Variants in MON2 observed in about 807,000 individuals in gnomAD.
MON2 encodes the protein protein MON2 homolog.
Under a neutral mutation model 208.6 loss-of-function variants are expected in MON2, and 84 were observed. That is an observed-to-expected ratio of 0.40 (90% CI 0.34 to 0.48). The LOEUF (loss-of-function observed/expected upper bound fraction) is 0.48, where lower values mean the gene tolerates loss of function less well. Among genes scored for constraint, MON2 ranks in the 20% least tolerant of loss-of-function variants. The pLI is 0.59. For synonymous variants in MON2, 660 were observed against 694.0 expected, an observed-to-expected ratio of 0.95 and a Z score of 0.77; for missense variants, 1,611 against 2,015.4, an observed-to-expected ratio of 0.80 and a Z score of 3.84.
chr12:62,580,556 C>A, intron 32 of MON2, 136 bp downstream of exon 32: 1 of 676,448 alleles, frequency 1.5e-6, no homozygotes, highest in Non-Finnish European at 2.4e-6. Context: ...TAATATAGAA[C>A]TAAGCTTTAT....
At chr12:62,588,905 A>C in intron 34 of MON2, 3 of 1,466,048 alleles carry the variant, frequency 2.0e-6, no homozygotes, top group Non-Finnish European at 2.8e-6. Context: ...CCTTGTTTTT[A>C]ATCTCTTAAA....
chr12:62,543,267 A>G (rs2073320269), intron 20 of MON2, 69 bp downstream of exon 20: 3 of 790,386 alleles, frequency 3.8e-6, no homozygotes, highest in Non-Finnish European at 5.6e-6. Context: ...ATGATTCTAA[A>G]TAGCCATTTG....
chr12:62,575,669 G>A (rs1470491801), intron 30 of MON2, among the ~76,000 whole-genome samples: 2 of 152,084 alleles, frequency 1.3e-5, no homozygotes, highest in Non-Finnish European at 2.9e-5. Context: ...AGATGCTTTG[G>A]CAAGGGAATA....
chr12:62,526,646 ATTGT>A (rs1265822437), intron 11 of MON2, among the ~76,000 whole-genome samples: 3 of 152,060 alleles, frequency 2.0e-5, no homozygotes, highest in Non-Finnish European at 2.9e-5. Flanking sequence ...TTATTTTTAA[ATTGT>A]TTGTCATTAG....
At chr12:62,542,540 G>A (rs1049901529) in intron 19 of MON2, among the ~76,000 whole-genome samples, 2 of 152,088 alleles carry the variant, frequency 1.3e-5, no homozygotes, top group Non-Finnish European at 2.9e-5. Context: ...GTGACACATG[G>A]ACCAGGTACT....
chr12:62,520,222 T>G (rs1004127754), intron 8 of MON2, among the ~76,000 whole-genome samples: 8 of 152,254 alleles, frequency 5.3e-5, no homozygotes, highest in African/African-American at 1.9e-4. Context: ...TGCATGATTT[T>G]GTAACATCAT....
rs2075493889 is a variant in MON2 at position 62,594,995 on chromosome 12, T to TG, written c.*2250dup. 1 of 152,192 alleles carries TG rather than the reference T, an allele frequency of 6.6e-6. No homozygotes were observed. The highest frequency in any genetic ancestry group is 6.5e-5 in the Admixed American group (1 of 15,276). The allele number at this position is 152,192 out of a possible 1,614,324, so 9.4% of individuals were successfully genotyped here. ...TGGGTTCTCCAGTGACTAGAAGAAC[T>TG]GGGGTGTGTGAAAGTATTCGATGCC... On this transcript the variant is annotated 3_prime_UTR_variant, in exon 35 of 35. Transcript: ENST00000393630.
chr12:62,530,613 T>C (rs899583785), intron 11 of MON2, among the ~76,000 whole-genome samples: 1 of 152,236 alleles, frequency 6.6e-6, no homozygotes, highest in Non-Finnish European at 1.5e-5. Flanking sequence ...TATTCCAATA[T>C]ATGGAATCAC....
chr12:62,472,766 CT>C (rs1211537527), intron 1 of MON2, among the ~76,000 whole-genome samples: 1 of 152,192 alleles, frequency 6.6e-6, no homozygotes. Flanking sequence ...GCTGGATAAT[CT>C]TTACGAGCTT....
chr12:62,497,871 C>A (rs951134249), intron 4 of MON2, among the ~76,000 whole-genome samples: 40 of 152,148 alleles, frequency 2.6e-4, no homozygotes, highest in Admixed American at 2.0e-4. Flanking sequence ...CCACCTCAGC[C>A]TCCCAAAGTG....
At chr12:62,520,880 T>C (rs115879311) in intron 8 of MON2, among the ~76,000 whole-genome samples, 7 of 142,166 alleles carry the variant, frequency 4.9e-5, no homozygotes, top group African/African-American at 1.8e-4. Context: ...TATGTAAAGA[T>C]ATTATTTTTT....
intron 8 of MON2, among the ~76,000 whole-genome samples, chr12:62,515,219 A>G (rs2071624743): frequency 6.6e-6 from 1 of 152,250 alleles, no homozygotes; most frequent in Admixed American, 6.5e-5. Context: ...GTAATAGCCA[A>G]GAGGTGAAAG....
chr12:62,532,648 A>T lies in MON2; in HGVS notation c.1611A>T (p.Ser537=). Residue 537 remains serine, a synonymous_variant, in exon 12 of 35, where the codon TCA becomes TCT. Coordinates refer to ENST00000393630, the MANE Select transcript of MON2 (RefSeq NM_015026.3). The part of the protein sequence containing the change: ...STEQQDLQST[S]DQMDKEIVSR... ...AACAGCAGGATTTACAGTCAACATC[A>T]GACCAAATGGATAAGGAAATTGGTA... 1.2e-6 allele frequency: 2 copies of T among 1,611,898 alleles called. No homozygotes were observed. Among genetic ancestry groups the T allele is most frequent in the Non-Finnish European group, 1.7e-6 (2 of 1,177,972 alleles).
chr12:62,517,176 T>C (rs1428283991), intron 8 of MON2, among the ~76,000 whole-genome samples: 1 of 152,176 alleles, frequency 6.6e-6, no homozygotes. Flanking sequence ...TCCTCCTTTC[T>C]TTAGAATGTT....
rs1245899718 is a variant in MON2, at chr12:62,595,768, AAAAC to A, written c.*3027_*3030del. 3 of 152,352 alleles carry A rather than the reference AAAAC, an allele frequency of 2.0e-5. No individual in the cohort carries two copies. Among genetic ancestry groups the A allele is most frequent in the Admixed American group, 1.3e-4 (2 of 15,300 alleles). The allele number at this position is 152,352 out of a possible 1,614,324, so 9.4% of individuals were successfully genotyped here. A position where few individuals can be genotyped will look rare whatever the true frequency, so the allele number is the denominator to read the frequency against. On this transcript the variant is annotated 3_prime_UTR_variant, in exon 35 of 35. Coordinates refer to ENST00000393630, the MANE Select transcript of MON2 (RefSeq NM_015026.3). ...ATTTATTAGGAGCCTTTTAGGTTCC[AAAAC>A]AAACAAAAGGCATAAAAAAGTCTAG... is the stretch of plus-strand genomic sequence containing the variant.
intron 1 of MON2, among the ~76,000 whole-genome samples, chr12:62,475,085 T>G (rs1051731458): frequency 6.6e-6 from 1 of 152,188 alleles, no homozygotes; most frequent in Non-Finnish European, 1.5e-5. Flanking sequence ...GCATTTAATA[T>G]TCTCTTGATT....
At chr12:62,550,754 C>A (rs1421879446) in intron 23 of MON2, among the ~76,000 whole-genome samples, 1 of 152,118 alleles carries the variant, frequency 6.6e-6, no homozygotes. Flanking sequence ...AGCTTCCTCA[C>A]CTTGCTCAGC....
intron 1 of MON2, among the ~76,000 whole-genome samples, chr12:62,483,751 A>G (rs576162875): frequency 6.6e-6 from 1 of 152,306 alleles, no homozygotes; most frequent in East Asian, 1.9e-4. Flanking sequence ...CAGTAGTTTT[A>G]CTTGATTTTG....
chr12:62,532,589 A>G lies in MON2; in HGVS notation c.1552A>G (p.Thr518Ala). 6.2e-7 allele frequency: 1 copy of G among 1,614,140 alleles called. No individual in the cohort carries two copies. Among genetic ancestry groups the G allele is most frequent in the Non-Finnish European group, 8.5e-7 (1 of 1,179,980 alleles). ...GCTTGAAACAGAATGTCAAACCACC[A>G]CTGAAGAAGGTTCTTCACCAACACA... Reference protein sequence around the residue: ...GELETECQTTTEEGSSPTQST... With the variant: ...GELETECQTTAEEGSSPTQST... Residue 518 changes from threonine to alanine, a missense_variant, in exon 12 of 35, where the codon ACT becomes GCT. Transcript: ENST00000393630.
Sources: gnomAD v4.1 joint callset for allele counts (sites outside exome capture counted in the v4.1 genomes callset) on GRCh38, gnomAD v4.1.1 for gene constraint, MANE v1.5 for transcripts, NCBI Gene and HGNC (gene_info 2026-07-23, HGNC 2026-07-21) for gene names.